Variants in MGST1 observed in about 807,000 individuals in gnomAD.
MGST1 encodes glutathione S-transferase 12.
A neutral mutation model predicts 8.9 loss-of-function variants in MGST1; 5 were observed. The ratio of observed to expected loss-of-function variants is 0.56; its 90% CI spans 0.29 to 1.19. The LOEUF is 1.19. MGST1 is among the 50% of genes most tolerant of loss of function. The pLI is 0.08. For synonymous variants in MGST1, 54 were observed against 67.8 expected, an observed-to-expected ratio of 0.80 and a Z score of 1.00; for missense variants, 182 against 187.4, an observed-to-expected ratio of 0.97 and a Z score of 0.17.
chr12:16,487,492 A>G (rs571809710), intron 4 of MGST1, among the ~76,000 whole-genome samples: 10 of 152,328 alleles, frequency 6.6e-5, no homozygotes, highest in Admixed American at 6.5e-4. Context: ...AGAATGGCCA[A>G]TATTACTGGT....
At chr12:16,505,724 C>T (rs1941534112) in intron 4 of MGST1, among the ~76,000 whole-genome samples, 1 of 152,200 alleles carries the variant, frequency 6.6e-6, no homozygotes, top group Non-Finnish European at 1.5e-5. Context: ...GTCAACGACT[C>T]TGTGAAGCTA....
Position 16,537,724 on chromosome 12 carries a change from G to C in MGST1, n.483-51804G>C, listed in dbSNP as rs1159728522. ...ACCCTCTCAAACCATGAGCTGAGCTGTACCTTGGCCACTTTTAACAACAGC... is the reference window on the plus strand; with the variant it reads ...ACCCTCTCAAACCATGAGCTGAGCTCTACCTTGGCCACTTTTAACAACAGC... On this transcript the variant is annotated intron_variant and non_coding_transcript_variant, in intron 4 of 4. Transcript: ENST00000538857. This position sits in a 1 kb window ranked among gnomAD's most constrained non-coding sequence, Gnocchi z 4.6. Among the ~76,000 whole-genome samples the C allele has an allele frequency of 6.6e-6, 1 of 152,210 alleles. No individual in the cohort carries two copies. Among genetic ancestry groups the C allele is most frequent in the African/African-American group, 2.4e-5 (1 of 41,458 alleles).
chr12:16,365,737 GCA>G (rs1413040046), downstream of MGST1, among the ~76,000 whole-genome samples: 12 of 90,098 alleles, frequency 1.3e-4, no homozygotes, highest in South Asian at 1.1e-3. Context: ...ATGCACGCGT[GCA>G]CGCGCACACA....
intron 4 of MGST1, among the ~76,000 whole-genome samples, chr12:16,494,680 T>A (rs1289874760): frequency 1.3e-5 from 2 of 152,124 alleles, no homozygotes; most frequent in Non-Finnish European, 2.9e-5. Context: ...AGTTTCCTGT[T>A]GGAAGTATGT....
chr12:16,374,355 G>C (rs762563346), intron 3 of MGST1, among the ~76,000 whole-genome samples: 1 of 151,738 alleles, frequency 6.6e-6, no homozygotes, highest in Non-Finnish European at 1.5e-5. Flanking sequence ...TAGTTTCTTT[G>C]ATGGATTTAA....
At chr12:16,372,937 T>TTATATTA (rs1337521011) in intron 3 of MGST1, among the ~76,000 whole-genome samples, 1 of 142,334 alleles carries the variant, frequency 7.0e-6, no homozygotes, top group Non-Finnish European at 1.5e-5. Flanking sequence ...ATTGTATATT[T>TTATATTA]TATATTATAT....
At position 16,362,617 on chromosome 12, in the gene MGST1, G is replaced by A. The variant is rs1320484825; in HGVS notation, c.222-1178G>A. On this transcript the variant is annotated intron_variant, in intron 3 of 3. Coordinates refer to ENST00000396210, the MANE Select transcript of MGST1 (RefSeq NM_020300.5). The surrounding 1 kb of genome is among the most constrained non-coding windows in gnomAD (Gnocchi z 4.4). ...AGATTCTAAAGCAATTTCTAATTCTGTAGACTTAAGGGAGGTGACATTTTA... is the reference window on the plus strand; with the variant it reads ...AGATTCTAAAGCAATTTCTAATTCTATAGACTTAAGGGAGGTGACATTTTA... 6.6e-6 allele frequency: 1 copy of A among 152,106 alleles called. No individual in the cohort carries two copies. The highest frequency in any genetic ancestry group is 1.5e-5 in the Non-Finnish European group (1 of 68,020). The allele number at this position is 152,106 out of a possible 1,614,324, so 9.4% of individuals were successfully genotyped here. A position where few individuals can be genotyped will look rare whatever the true frequency, so the allele number is the denominator to read the frequency against.
chr12:16,576,734 A>G lies in MGST1; in HGVS notation n.483-12794A>G, dbSNP rs1943007054. On this transcript the variant is annotated intron_variant and non_coding_transcript_variant, in intron 4 of 4. Transcript: ENST00000538857. This position sits in a 1 kb window ranked among gnomAD's most constrained non-coding sequence, Gnocchi z 4.1. ...TATAAATGGAAATTAACATTCTTGC[A>G]TTGTCCAACTATATAGACTGCATAC... 6.6e-6 allele frequency among the ~76,000 whole-genome samples: 1 copy of G among 152,228 alleles called. No individual in the cohort carries two copies.
At chr12:16,360,198 A>T (rs181536577) in intron 3 of MGST1, 1 of 271,278 alleles carries the variant, frequency 3.7e-6, no homozygotes, top group African/African-American at 2.3e-5. Flanking sequence ...AAAGTGCCTA[A>T]TAACACACTT....
rs548980709 is a variant in MGST1, at chr12:16,538,665, G to A, written n.483-50863G>A. Among the ~76,000 whole-genome samples, 46 of 145,754 alleles carry A rather than the reference G, an allele frequency of 3.2e-4. 1 individual carries two copies. Among genetic ancestry groups the A allele is most frequent in the Non-Finnish European group, 4.8e-4 (32 of 67,350 alleles). On this transcript the variant is annotated intron_variant and non_coding_transcript_variant, in intron 4 of 4. Transcript: ENST00000538857. ...GCTCTGTCACCCAGGCTGGAGTGCCGTGGCGAGATCTCGGCTCACTGCAAG... is the reference window on the plus strand; with the variant it reads ...GCTCTGTCACCCAGGCTGGAGTGCCATGGCGAGATCTCGGCTCACTGCAAG...
intron 4 of MGST1, among the ~76,000 whole-genome samples, chr12:16,465,319 C>A (rs1484526442): frequency 6.6e-6 from 1 of 152,148 alleles, no homozygotes; most frequent in East Asian, 1.9e-4. Context: ...AAAGTAGGAC[C>A]AATCGGATTC....
At chr12:16,431,368 G>C (rs749353907) in intron 1 of MGST1, among the ~76,000 whole-genome samples, 2 of 152,058 alleles carry the variant, frequency 1.3e-5, no homozygotes, top group Non-Finnish European at 2.9e-5. Flanking sequence ...AAGAGGCCTA[G>C]GTTTGGCCTA....
chr12:16,440,872 GC>G (rs1208397519), downstream of MGST1, among the ~76,000 whole-genome samples: 1 of 151,766 alleles, frequency 6.6e-6, no homozygotes, highest in Non-Finnish European at 1.5e-5. Context: ...CCAGATCATT[GC>G]CAAAAATTGC....
At chr12:16,478,528 T>C (rs2137141672) in intron 4 of MGST1, among the ~76,000 whole-genome samples, 1 of 152,286 alleles carries the variant, frequency 6.6e-6, no homozygotes, top group South Asian at 2.1e-4. Flanking sequence ...TGTGAAGTCT[T>C]GATGTTACTA....
chr12:16,488,965 A>T (rs1941418775), intron 4 of MGST1, among the ~76,000 whole-genome samples: 1 of 151,974 alleles, frequency 6.6e-6, no homozygotes. Flanking sequence ...TAAAAATATT[A>T]TCTGTGAGTG....
chr12:16,453,800 C>T (rs565950910), intron 4 of MGST1, among the ~76,000 whole-genome samples: 6 of 151,582 alleles, frequency 4.0e-5, no homozygotes, highest in East Asian at 3.9e-4. Context: ...TCCCCATGTG[C>T]GTGTCTATCT....
chr12:16,386,464 T>C (rs534231022), intron 1 of MGST1, among the ~76,000 whole-genome samples: 9 of 152,338 alleles, frequency 5.9e-5, no homozygotes, highest in South Asian at 2.1e-4. Flanking sequence ...ATTATCTCTA[T>C]AGAGGTCCTG....
chr12:16,380,227 T>C (rs890874686), downstream of MGST1, among the ~76,000 whole-genome samples: 6 of 152,192 alleles, frequency 3.9e-5, no homozygotes, highest in African/African-American at 1.2e-4. Flanking sequence ...CTTTTAATTG[T>C]GATGTTAGGG....
Position 16,369,584 on chromosome 12 carries a change from T to C in MGST1, c.222-6538T>C, listed in dbSNP as rs914878879. Among the ~76,000 whole-genome samples, 4 of 152,152 alleles carry C rather than the reference T, an allele frequency of 2.6e-5. No homozygotes were observed. Among genetic ancestry groups the C allele is most frequent in the African/African-American group, 7.2e-5 (3 of 41,424 alleles). On this transcript the variant is annotated intron_variant, in intron 3 of 3. Coordinates refer to the MGST1 transcript ENST00000535309. The surrounding 1 kb of genome is among the most constrained non-coding windows in gnomAD (Gnocchi z 4.8). ...GGCCAAATACAGCCCATGGGCTGTT[T>C]TTATAAATAATGTTTTATTGGAACG...
Sources: allele counts gnomAD v4.1 joint callset (sites outside exome capture counted in the v4.1 genomes callset), GRCh38; gene constraint gnomAD v4.1.1; non-coding constraint Gnocchi (gnomAD v3.1); transcripts MANE v1.5; gene names NCBI Gene and HGNC (gene_info 2026-07-23, HGNC 2026-07-21).